Variants in BICD1 observed in about 807,000 individuals in gnomAD.
BICD1 encodes the protein BICD cargo adaptor 1, also known as protein bicaudal D homolog 1.
In BICD1, 35 loss-of-function variants were observed where a neutral mutation model predicts 92.5. The ratio of observed to expected loss-of-function variants is 0.38; its 90% CI spans 0.29 to 0.50. The LOEUF (loss-of-function observed/expected upper bound fraction) is 0.50. BICD1 is among the 20% of genes least tolerant of loss of function. BICD1 has a pLI of 0.93. For synonymous variants in BICD1, 429 were observed against 465.1 expected (o/e 0.92, Z 1.00); for missense variants, 950 against 1,189.8 (o/e 0.80, Z 2.97).
intron 4 of BICD1, among the ~76,000 whole-genome samples, chr12:32,315,617 T>C (rs746267308): frequency 5.3e-5 from 8 of 152,210 alleles, no homozygotes; most frequent in African/African-American, 7.2e-5. Context: ...TATCCCTTTA[T>C]TTAGGTCTTC....
At chr12:32,110,568 A>G (rs1349022918) in intron 1 of BICD1, among the ~76,000 whole-genome samples, 1 of 152,138 alleles carries the variant, frequency 6.6e-6, no homozygotes, top group Non-Finnish European at 1.5e-5. Context: ...AGGGTCACCC[A>G]TGCCCAGTTA....
intron 5 of BICD1, chr12:32,332,383 G>A (rs1937916839): frequency 1.1e-6 from 1 of 947,918 alleles, no homozygotes; most frequent in South Asian, 4.9e-5. Context: ...GAACTTAAAA[G>A]TTAAAAATAA....
At position 32,237,131 on chromosome 12, in the gene BICD1, C is replaced by T. The variant is rs147461638; in HGVS notation, c.426+20672C>T. On this transcript the variant is annotated intron_variant, in intron 2 of 9. Transcript: ENST00000652176. ...TCCTGACCTTGTGATCTGCCCGCCT[C>T]GGCCTCCCAAAGTGCTGGGATTACA... Among the ~76,000 whole-genome samples, 1,258 of 152,166 alleles carry T rather than the reference C, an allele frequency of 8.3e-3. 14 individuals carry two copies. The highest frequency in any genetic ancestry group is 0.021 in the African/African-American group (891 of 41,508).
intron 1 of BICD1, among the ~76,000 whole-genome samples, chr12:32,169,971 G>A (rs1943887516): frequency 6.6e-6 from 1 of 152,198 alleles, no homozygotes; most frequent in Non-Finnish European, 1.5e-5. Flanking sequence ...ATAAGAACAG[G>A]CTTAGCTGTG....
At position 32,120,895 on chromosome 12, in the gene BICD1, GAA is replaced by G. The variant is rs757230402; in HGVS notation, c.213+13360_213+13361del. On this transcript the variant is annotated intron_variant, in intron 1 of 9. Coordinates refer to ENST00000652176, the MANE Select transcript of BICD1 (RefSeq NM_001714.4). ...AGAGAGAGAGAGAGAGAGAGAGAGA[GAA>G]AAAAAAAAGGAAAAAATATAATGTG... Among the ~76,000 whole-genome samples the G allele has an allele frequency of 1.0e-2, 247 of 24,784 alleles. 1 individual carries two copies. Among genetic ancestry groups the G allele is most frequent in the African/African-American group, 0.07 (235 of 3,352 alleles). 16.3% of individuals were successfully genotyped at this position (24,784 alleles called of 152,430 possible).
chr12:32,338,797 C>A lies in BICD1; in HGVS notation c.2582C>A (p.Pro861His). The change falls in exon 8 of 10, where the codon CCT becomes CAT. Residue 861 changes from proline (P) to histidine (H), a missense_variant. Physicochemically the swap from Pro to His is moderately conservative, Grantham distance 77. Around this residue, in one of 5 missense-constraint regions of BICD1, gnomAD observed 179 missense variants for 186.7 expected, o/e 0.96. Transcript: ENST00000652176. ...GGATCTCCTGCAAGACAATTTTCAC[C>A]TTCCCTTTGTGATCAGAGCCGTCCC... is the stretch of plus-strand genomic sequence containing the variant. Reference protein sequence around the residue: ...SGTQRKRQFSPSLCDQSRPRT... With the variant: ...SGTQRKRQFSHSLCDQSRPRT... 1 of 1,577,744 alleles carries A rather than the reference C, an allele frequency of 6.3e-7. No individual in the cohort carries two copies. The highest frequency in any genetic ancestry group is 1.2e-5 in the South Asian group (1 of 84,010).
intron 2 of BICD1, among the ~76,000 whole-genome samples, chr12:32,251,783 T>C (rs1946527058): frequency 6.6e-6 from 1 of 151,260 alleles, no homozygotes; most frequent in Admixed American, 6.7e-5. Context: ...AACAGATCCA[T>C]GGGATAAGTT....
intron 1 of BICD1, among the ~76,000 whole-genome samples, chr12:32,112,418 A>T (rs1032483111): frequency 6.6e-6 from 1 of 152,234 alleles, no homozygotes; most frequent in South Asian, 2.1e-4. Flanking sequence ...GTGAACATGT[A>T]TGACAGCGAT....
chr12:32,368,988 C>T (rs943776384), intron 9 of BICD1, among the ~76,000 whole-genome samples: 3 of 152,214 alleles, frequency 2.0e-5, no homozygotes, highest in Non-Finnish European at 2.9e-5. Flanking sequence ...TCTCTGTCCA[C>T]TCAGTAGCCT....
intron 2 of BICD1, among the ~76,000 whole-genome samples, chr12:32,224,216 T>C (rs1945618286): frequency 6.6e-6 from 1 of 151,810 alleles, no homozygotes; most frequent in South Asian, 2.1e-4. Context: ...CCTGTTCCTG[T>C]CTCTCTTCTC....
intron 8 of BICD1, chr12:32,352,695 TCAG>T (rs1258090292): frequency 6.6e-6 from 1 of 151,902 alleles, no homozygotes; most frequent in African/African-American, 2.4e-5. Flanking sequence ...TCAGTTTGGA[TCAG>T]AAGAACTGAA....
intron 8 of BICD1, among the ~76,000 whole-genome samples, chr12:32,342,176 A>ATG (rs752092208): frequency 1.8e-4 from 20 of 112,334 alleles, no homozygotes; most frequent in East Asian, 1.1e-3. Context: ...GTATATATAT[A>ATG]TGTGTGTATA....
intron 2 of BICD1, among the ~76,000 whole-genome samples, chr12:32,222,140 TA>T (rs1945551184): frequency 6.6e-6 from 1 of 152,200 alleles, no homozygotes; most frequent in Admixed American, 6.5e-5. Context: ...TTAACTGCAA[TA>T]TTTACAAAGT....
intron 2 of BICD1, among the ~76,000 whole-genome samples, chr12:32,292,768 T>C (rs1565646923): frequency 6.6e-6 from 1 of 152,142 alleles, no homozygotes; most frequent in Non-Finnish European, 1.5e-5. Context: ...CATATTTCTC[T>C]TTGTTTGAAT....
chr12:32,176,794 A>G (rs892556729), intron 1 of BICD1, among the ~76,000 whole-genome samples: 1 of 152,018 alleles, frequency 6.6e-6, no homozygotes, highest in Non-Finnish European at 1.5e-5. Context: ...AATGTCCCAC[A>G]TTTTTGTTTA....
intron 1 of BICD1, among the ~76,000 whole-genome samples, chr12:32,139,481 A>G (rs762402770): frequency 3.9e-5 from 6 of 152,220 alleles, no homozygotes; most frequent in African/African-American, 9.6e-5. Flanking sequence ...TATCCCTTAC[A>G]CGTCGCTCAG....
At position 32,367,658 on chromosome 12, in the gene BICD1, A is replaced by G. The variant is rs1592726287; in HGVS notation, c.2765-12A>G. The G allele has an allele frequency of 2.5e-6, 4 of 1,612,872 alleles. No individual in the cohort carries two copies. The East Asian group carries it at 8.9e-5, about 36-fold the overall frequency. On this transcript the variant is annotated splice_polypyrimidine_tract_variant and intron_variant, in intron 8 of 9. Coordinates refer to ENST00000652176, the MANE Select transcript of BICD1 (RefSeq NM_001714.4). Reference sequence around the variant, plus strand: ...TCTTTGTACACATGTCTAATTTATCAGTTTCTTGTAGATTGTCAGCAGCCT... The same window carrying G: ...TCTTTGTACACATGTCTAATTTATCGGTTTCTTGTAGATTGTCAGCAGCCT...
At chr12:32,361,535 A>G (rs2136321688) in intron 8 of BICD1, among the ~76,000 whole-genome samples, 1 of 149,650 alleles carries the variant, frequency 6.7e-6, no homozygotes, top group South Asian at 2.1e-4. Context: ...CCTGGGCAAC[A>G]GAGCGAGACT....
At chr12:32,244,248 TCTG>T (rs1348673393) in intron 2 of BICD1, among the ~76,000 whole-genome samples, 2 of 152,226 alleles carry the variant, frequency 1.3e-5, no homozygotes, top group East Asian at 3.8e-4. Flanking sequence ...TAGTTTTTTG[TCTG>T]CTAATAGGTG....
Sources: gnomAD v4.1 joint callset for allele counts (sites outside exome capture counted in the v4.1 genomes callset) on GRCh38, gnomAD v4.1.1 for gene constraint, gnomAD v4.1.1 regional missense constraint, MANE v1.5 for transcripts, NCBI Gene and HGNC (gene_info 2026-07-23, HGNC 2026-07-21) for gene names.